SETX: variants seen among roughly 807,000 people sequenced by gnomAD.
SETX encodes the protein senataxin.
A neutral mutation model predicts 227.2 loss-of-function variants in SETX; 90 were observed. The ratio of observed to expected loss-of-function variants is 0.40; its 90% CI spans 0.33 to 0.47. The LOEUF (loss-of-function observed/expected upper bound fraction) is 0.47, where lower values mean the gene tolerates loss of function less well. Ranked by LOEUF, SETX falls within the 20% of genes least tolerant of loss-of-function variation. SETX has a pLI of 0.91. For missense variants in SETX, 3,052 were observed against 3,181.5 expected (o/e 0.96, Z 0.98); for synonymous variants, 1,210 against 1,113.2 (o/e 1.09, Z -1.73).
intron 11 of SETX, 30 bp from the exon 12 acceptor site, chr9:132,300,833 A>G (rs1311530577): frequency 1.3e-6 from 2 of 1,574,316 alleles, no homozygotes; most frequent in Non-Finnish European, 1.7e-6. Context: ...CGGAATTCAT[A>G]TAACTCTAAT....
chr9:132,264,534 A>ACC lies in SETX; in HGVS notation c.7738_7739insGG (p.Val2580GlyfsTer6). 6.2e-7 allele frequency: 1 copy of ACC among 1,613,968 alleles called. No individual in the cohort carries two copies. Among genetic ancestry groups the ACC allele is most frequent in the Non-Finnish European group, 8.5e-7 (1 of 1,179,962 alleles). On this transcript the variant is annotated frameshift_variant, in exon 26 of 26. Transcript: ENST00000224140. LOFTEE classifies it low-confidence loss of function (END_TRUNC). Reference sequence around the variant, plus strand: ...CTGTATATGGCTCAGGTCCTGGTGAACGACAGGGAAGCCCGGCTCGCCCGT... The same window carrying ACC: ...CTGTATATGGCTCAGGTCCTGGTGAACCCGACAGGGAAGCCCGGCTCGCCCGT...
intron 23 of SETX, among the ~76,000 whole-genome samples, chr9:132,273,681 C>A (rs1843005598): frequency 6.6e-6 from 1 of 152,164 alleles, no homozygotes; most frequent in African/African-American, 2.4e-5. Flanking sequence ...AGCTTATTAT[C>A]TCTAATAGTG....
chr9:132,327,363 T>A lies in SETX; in HGVS notation c.4235A>T (p.Gln1412Leu), dbSNP rs775395216. 6.2e-7 allele frequency: 1 copy of A among 1,614,254 alleles called. No individual in the cohort carries two copies. The highest frequency in any genetic ancestry group is 8.5e-7 in the Non-Finnish European group (1 of 1,180,044). ...TEVLANSNRKQLIKCMPSEPE... is the reference protein window; with the variant it reads ...TEVLANSNRKLLIKCMPSEPE... ...TTCAGAAGGCATGCATTTTATTAAC[T>A]GTTTTCTGTTACTGTTGGCAAGTAC... Residue 1412 changes from glutamine to leucine, a missense_variant, in exon 10 of 26, where the codon CAG (glutamine) becomes CTG (leucine). Physicochemically the swap from Gln to Leu is moderately radical, Grantham distance 113. This residue lies in a region of SETX where 1,483 missense variants were observed against 1,312.0 expected (regional missense o/e 1.13). Transcript: ENST00000224140.
chr9:132,311,997 G>C (rs1393711123), intron 10 of SETX, 141 bp from the exon 11 acceptor site: 1 of 702,832 alleles, frequency 1.4e-6, no homozygotes, highest in African/African-American at 1.8e-5. Context: ...TTCACGGCAG[G>C]TTAATACAAT....
chr9:132,283,881 C>T (rs939408044), intron 18 of SETX, among the ~76,000 whole-genome samples: 1 of 152,120 alleles, frequency 6.6e-6, no homozygotes, highest in African/African-American at 2.4e-5. Context: ...ACAAAAATGC[C>T]TGTGAACCTG....
intron 18 of SETX, among the ~76,000 whole-genome samples, chr9:132,285,393 T>G (rs766399533): frequency 6.6e-5 from 10 of 152,174 alleles, no homozygotes; most frequent in Non-Finnish European, 1.3e-4. Flanking sequence ...TGTTACACCA[T>G]TTTCTCCACT....
At chr9:132,290,122 T>C (rs1242293368) in intron 15 of SETX, among the ~76,000 whole-genome samples, 1 of 151,876 alleles carries the variant, frequency 6.6e-6, no homozygotes, top group Non-Finnish European at 1.5e-5. Context: ...GGCTGGAAAG[T>C]TGCCTGAACC....
At chr9:132,342,659 TACC>T in intron 5 of SETX, 28 bp downstream of exon 5, 1 of 1,405,498 alleles carries the variant, frequency 7.1e-7, no homozygotes, top group East Asian at 2.3e-5. Flanking sequence ...AAGCACAATA[TACC>T]CTTCTATCGC....
intron 25 of SETX, among the ~76,000 whole-genome samples, chr9:132,268,743 C>T (rs1007031566): frequency 1.3e-5 from 2 of 152,178 alleles, no homozygotes; most frequent in Non-Finnish European, 2.9e-5. Context: ...ACATCAGAAG[C>T]ATAATCTTCA....
intron 22 of SETX, among the ~76,000 whole-genome samples, chr9:132,276,473 TTCC>T (rs1269304309): frequency 6.6e-6 from 1 of 152,160 alleles, no homozygotes; most frequent in Admixed American, 6.5e-5. Context: ...GGATTTGTGT[TTCC>T]TCCTACTTCA....
chr9:132,347,122 T>C (rs1030921525), intron 3 of SETX, among the ~76,000 whole-genome samples: 4 of 151,492 alleles, frequency 2.6e-5, no homozygotes, highest in Non-Finnish European at 5.9e-5. Flanking sequence ...GGCGTAGTGG[T>C]GCATGCCTGT....
intron 12 of SETX, among the ~76,000 whole-genome samples, chr9:132,300,112 A>G (rs569764980): frequency 6.8e-6 from 1 of 146,994 alleles, no homozygotes; most frequent in South Asian, 2.3e-4. Context: ...CCTGGACAAC[A>G]AGAGTGAAAC....
chr9:132,326,191 C>T, intron 10 of SETX, 133 bp downstream of exon 10: 1 of 726,120 alleles, frequency 1.4e-6, no homozygotes, highest in Non-Finnish European at 2.4e-6. Flanking sequence ...CTCAGCCTCC[C>T]GAGTAGCTGG....
At chr9:132,287,904 T>C (rs769794535) in intron 17 of SETX, among the ~76,000 whole-genome samples, 2 of 152,154 alleles carry the variant, frequency 1.3e-5, no homozygotes, top group Non-Finnish European at 2.9e-5. Context: ...CTGGTCGCAA[T>C]GGCTCATGCC....
In SETX at chr9:132,330,117, T is replaced by A. The variant is rs760910382; in HGVS notation, c.1481A>T (p.Lys494Met). ...QWVEAVVKCA[K>M]LPTTAFTRSS... ...CCGTGTAAACGCAGTGGTAGGAAGC[T>A]TGGCACATTTGACGACGGCTTCCAC... Residue 494 changes from lysine (K) to methionine (M), a missense_variant, in exon 10 of 26, where the codon AAG becomes ATG. Lys to Met is a moderately conservative substitution (Grantham distance 95). Coordinates refer to ENST00000224140, the MANE Select transcript of SETX (RefSeq NM_015046.7). 1 of 1,613,498 alleles carries A rather than the reference T, an allele frequency of 6.2e-7. No homozygotes were observed. The highest frequency in any genetic ancestry group is 8.5e-7 in the Non-Finnish European group (1 of 1,179,478).
chr9:132,272,068 G>A (rs573128344), intron 23 of SETX, among the ~76,000 whole-genome samples: 1 of 152,108 alleles, frequency 6.6e-6, no homozygotes, highest in African/African-American at 2.4e-5. Flanking sequence ...ATTTTTAGTA[G>A]AGACTGGGTT....
rs536207215 is a variant in SETX, at chr9:132,340,659, G to A, written c.498+2031C>T. On this transcript the variant is annotated intron_variant, in intron 5 of 25. Coordinates refer to ENST00000224140, the MANE Select transcript of SETX (RefSeq NM_015046.7). ...GGGCTGTAATCCCCCAAGTCCTGGG[G>A]TTAAGAGGGGATGATAATGAAGCAA... Among the ~76,000 whole-genome samples the A allele has an allele frequency of 1.4e-4, 22 of 152,362 alleles. No homozygotes were observed. In the East Asian group the frequency reaches 3.9e-3, roughly 27 times the overall value.
At position 132,311,699 on chromosome 9, in the gene SETX, A is replaced by C. The variant is rs1315936057; in HGVS notation, c.5374+58T>G. 1.6e-4 allele frequency: 199 copies of C among 1,248,028 alleles called. 1 individual carries two copies. The highest frequency in any genetic ancestry group is 2.3e-4 in the Non-Finnish European group (196 of 862,994). The allele number at this position is 1,248,028 out of a possible 1,614,324, so 77.3% of individuals were successfully genotyped here. On this transcript the variant is annotated intron_variant, in intron 11 of 25. Transcript: ENST00000224140. ...AATTCAAATAATGCTATCTCCTCTT[A>C]ATTAGAAATCTCCAATTATTATATC...
intron 15 of SETX, among the ~76,000 whole-genome samples, chr9:132,292,395 C>T (rs1844376957): frequency 6.9e-6 from 1 of 145,394 alleles, no homozygotes; most frequent in South Asian, 2.1e-4. Flanking sequence ...TGCCAATGTA[C>T]CCCAGCCTGA....
Sources: allele counts gnomAD v4.1 joint callset (sites outside exome capture counted in the v4.1 genomes callset), GRCh38; gene constraint gnomAD v4.1.1; regional missense constraint gnomAD v4.1.1; transcripts MANE v1.5; gene names NCBI Gene and HGNC (gene_info 2026-07-23, HGNC 2026-07-21).